PXDNL: variants seen among roughly 807,000 people sequenced by gnomAD.
The protein encoded by PXDNL is probable oxidoreductase PXDNL.
PXDNL carries 145 observed loss-of-function variants against 150.8 expected under a neutral mutation model. The ratio of observed to expected loss-of-function variants is 0.96; its 90% CI spans 0.84 to 1.10. The LOEUF (loss-of-function observed/expected upper bound fraction) is 1.10, where lower values mean the gene tolerates loss of function less well. Ranked by LOEUF, PXDNL falls within the 50% of genes least tolerant of loss-of-function variation. The probability of loss-of-function intolerance (pLI) is 0.00; values close to 1 mark genes in which losing one functional copy is unlikely to be tolerated. For missense variants in PXDNL, 2,087 were observed against 1,873.9 expected (o/e 1.11, Z -2.10); for synonymous variants, 757 against 725.7 (o/e 1.04, Z -0.69).
intron 14 of PXDNL, among the ~76,000 whole-genome samples, chr8:51,416,665 A>G (rs367596134): frequency 6.6e-6 from 1 of 152,252 alleles, no homozygotes; most frequent in East Asian, 1.9e-4. Context: ...TTATCAATTG[A>G]TACTGTGTTA....
chr8:51,456,665 T>C (rs561515879), intron 9 of PXDNL, among the ~76,000 whole-genome samples: 4 of 152,238 alleles, frequency 2.6e-5, no homozygotes, highest in Admixed American at 2.0e-4. Context: ...TCAGGGTTAT[T>C]ATGCCTACTG....
Position 51,447,151 on chromosome 8 carries a change from G to C in PXDNL, c.1378C>G (p.Pro460Ala). The change falls in exon 12 of 23, where the codon CCT becomes GCT. Residue 460 changes from proline to alanine, a missense_variant. Pro to Ala is a conservative substitution (Grantham distance 27). Transcript: ENST00000356297. ...IVWTKTGGQL[P>A]VEGQHTVLSS... ...AGAACTGTATGCTGGCCTTCCACAG[G>C]GAGCTGCCCTCCTGCAAAAAGAGGT... 1.2e-6 allele frequency: 2 copies of C among 1,613,480 alleles called. No individual in the cohort carries two copies. Among genetic ancestry groups the C allele is most frequent in the South Asian group, 2.2e-5 (2 of 91,010 alleles).
Position 51,475,080 on chromosome 8 carries a change from G to A in PXDNL, c.586C>T (p.Gln196Ter), listed in dbSNP as rs1563428198. The change falls in exon 7 of 23, where the codon CAA (glutamine) becomes TAA (stop). Residue 196 changes from glutamine (Q) to a stop codon, truncating the protein, a stop_gained. Coordinates refer to ENST00000356297, the MANE Select transcript of PXDNL (RefSeq NM_144651.5). LOFTEE classifies it high-confidence loss of function. ...GTGTGGCCGTGTTGGGCAAAGCCTTGTAAAAGCTCCCCCAGCCACATCAGA... is the reference window on the plus strand; with the variant it reads ...GTGTGGCCGTGTTGGGCAAAGCCTTATAAAAGCTCCCCCAGCCACATCAGA... ...CDLMWLGELL[Q>*]GFAQHGHTQA... The A allele has an allele frequency of 2.5e-6, 4 of 1,613,896 alleles. No homozygotes were observed. Among genetic ancestry groups the A allele is most frequent in the Non-Finnish European group, 3.4e-6 (4 of 1,179,864 alleles).
At chr8:51,540,866 C>T (rs1355934341) in intron 4 of PXDNL, among the ~76,000 whole-genome samples, 1 of 151,918 alleles carries the variant, frequency 6.6e-6, no homozygotes, top group Non-Finnish European at 1.5e-5. Flanking sequence ...TATTTTGTAA[C>T]TCTTGTATGA....
At chr8:51,621,302 T>C (rs1436264520) in intron 2 of PXDNL, among the ~76,000 whole-genome samples, 1 of 152,226 alleles carries the variant, frequency 6.6e-6, no homozygotes, top group African/African-American at 2.4e-5. Context: ...ATAATATAAA[T>C]AGAATGATAA....
chr8:51,507,092 G>T (rs1036142194), intron 4 of PXDNL, among the ~76,000 whole-genome samples: 2 of 152,094 alleles, frequency 1.3e-5, no homozygotes, highest in African/African-American at 4.8e-5. Flanking sequence ...TTGAGTGCCC[G>T]TGAAGTGTGA....
At chr8:51,645,458 G>A (rs115746311) in intron 2 of PXDNL, among the ~76,000 whole-genome samples, 2,871 of 152,270 alleles carry the variant, frequency 0.019, 86 homozygotes, top group African/African-American at 0.066. Context: ...TCTATTTAGA[G>A]GATCACACGG....
intron 1 of PXDNL, among the ~76,000 whole-genome samples, chr8:51,804,984 G>A (rs1336745087): frequency 6.6e-6 from 1 of 151,524 alleles, no homozygotes; most frequent in Non-Finnish European, 1.5e-5. Context: ...ACACTCACCT[G>A]CCCTTCCTTC....
intron 4 of PXDNL, among the ~76,000 whole-genome samples, chr8:51,530,894 A>G (rs1002761609): frequency 6.7e-6 from 1 of 150,198 alleles, no homozygotes; most frequent in Non-Finnish European, 1.5e-5. Flanking sequence ...CCCTGAGGCC[A>G]GTACTTTGTT....
At chr8:51,697,132 C>T (rs550513484) in intron 1 of PXDNL, among the ~76,000 whole-genome samples, 11 of 152,116 alleles carry the variant, frequency 7.2e-5, no homozygotes, top group Admixed American at 1.3e-4. Context: ...GTTGAAACCC[C>T]ATGTCTACTA....
chr8:51,580,352 C>T (rs1262122210), intron 3 of PXDNL, among the ~76,000 whole-genome samples: 1 of 152,030 alleles, frequency 6.6e-6, no homozygotes, highest in Non-Finnish European at 1.5e-5. Flanking sequence ...CTTACAGTGG[C>T]ATGTGAATTT....
chr8:51,489,981 C>T (rs1330644444), intron 5 of PXDNL, among the ~76,000 whole-genome samples: 1 of 152,132 alleles, frequency 6.6e-6, no homozygotes, highest in Admixed American at 6.5e-5. Context: ...GCAGGTGACA[C>T]TAATCCTAAT....
intron 11 of PXDNL, among the ~76,000 whole-genome samples, chr8:51,448,537 T>C (rs1809732168): frequency 6.6e-6 from 1 of 152,012 alleles, no homozygotes; most frequent in Admixed American, 6.6e-5. Context: ...ACCCCGTCTC[T>C]ATTAAAAATA....
At chr8:51,748,670 T>G (rs1431667572) in intron 1 of PXDNL, among the ~76,000 whole-genome samples, 1 of 152,084 alleles carries the variant, frequency 6.6e-6, no homozygotes, top group East Asian at 1.9e-4. Context: ...AAAAAGGAAA[T>G]GAGGATCTGG....
chr8:51,748,701 A>C (rs2037012444), intron 1 of PXDNL, among the ~76,000 whole-genome samples: 1 of 152,212 alleles, frequency 6.6e-6, no homozygotes, highest in South Asian at 2.1e-4. Flanking sequence ...ACACGAGGTC[A>C]CGAGCCCCTG....
chr8:51,780,231 G>A (rs1343499723), intron 1 of PXDNL, among the ~76,000 whole-genome samples: 1 of 152,018 alleles, frequency 6.6e-6, no homozygotes, highest in African/African-American at 2.4e-5. Context: ...GAAGTGCAGA[G>A]CCTCAGGCCC....
intron 1 of PXDNL, among the ~76,000 whole-genome samples, chr8:51,655,567 C>T (rs1006598180): frequency 8.5e-5 from 13 of 152,096 alleles, no homozygotes; most frequent in African/African-American, 2.4e-4. Context: ...AGTTGGAGAA[C>T]GAGGCGCCCC....
At position 51,472,313 on chromosome 8, in the gene PXDNL, A is replaced by G; in HGVS notation, c.695-9T>C. 6 of 1,598,364 alleles carry G rather than the reference A, an allele frequency of 3.8e-6. No individual in the cohort carries two copies. Among genetic ancestry groups the G allele is most frequent in the Non-Finnish European group, 4.3e-6 (5 of 1,166,592 alleles). On this transcript the variant is annotated splice_polypyrimidine_tract_variant and intron_variant, in intron 7 of 22. Coordinates refer to ENST00000356297, the MANE Select transcript of PXDNL (RefSeq NM_144651.5). ...AGTAATTCGGGGGCTCTCTGCAACA[A>G]AAGAATTATTGATGTATTTTTCAGA...
chr8:51,621,150 A>G (rs1485102669), intron 2 of PXDNL, among the ~76,000 whole-genome samples: 2 of 152,210 alleles, frequency 1.3e-5, no homozygotes, highest in African/African-American at 4.8e-5. Context: ...AATGGATTTT[A>G]TAAATATTAT....
Sources: gnomAD v4.1 joint callset for allele counts (sites outside exome capture counted in the v4.1 genomes callset) on GRCh38, gnomAD v4.1.1 for gene constraint, MANE v1.5 for transcripts, NCBI Gene and HGNC (gene_info 2026-07-23, HGNC 2026-07-21) for gene names.